FNIP1: variants seen among roughly 807,000 people sequenced by gnomAD.
FNIP1 encodes the protein folliculin interacting protein 1, also known as folliculin-interacting protein 1.
In FNIP1, 40 loss-of-function variants were observed where a neutral mutation model predicts 124.5. The observed-to-expected ratio is 0.32, with a 90% CI of 0.25 to 0.42. The LOEUF (loss-of-function observed/expected upper bound fraction) is 0.42, where lower values mean the gene tolerates loss of function less well. Ranked by LOEUF, FNIP1 falls within the 10% of genes least tolerant of loss-of-function variation. The pLI is 1.00. For missense variants in FNIP1, 1,176 were observed against 1,403.7 expected (o/e 0.84, Z 2.59); for synonymous variants, 472 against 470.6 (o/e 1.00, Z -0.04).
chr5:131,757,681 C>T (rs1420517142), intron 1 of FNIP1, among the ~76,000 whole-genome samples: 1 of 148,752 alleles, frequency 6.7e-6, no homozygotes, highest in Non-Finnish European at 1.5e-5. Flanking sequence ...AGTGGGGACA[C>T]AAGGAAGGAG....
In FNIP1 at chr5:131,796,993, A is replaced by AC; in HGVS notation, c.-73dup. 7.3e-7 allele frequency: 1 copy of AC among 1,363,528 alleles called. No individual in the cohort carries two copies. 84.5% of individuals were successfully genotyped at this position (1,363,528 alleles called of 1,614,324 possible). Reference sequence around the variant, plus strand: ...CCCCTGCTCCTACAGCCGCCCCGCCACCCCCATGGGCGCCTCAGTCATATG... The same window carrying AC: ...CCCCTGCTCCTACAGCCGCCCCGCCACCCCCCATGGGCGCCTCAGTCATATG... On this transcript the variant is annotated 5_prime_UTR_variant, in exon 1 of 18. The change abolishes the stop of an existing upstream ORF in the 5' untranslated region. Transcript: ENST00000510461.
chr5:131,780,035 T>C (rs1771945486), intron 1 of FNIP1, among the ~76,000 whole-genome samples: 1 of 151,824 alleles, frequency 6.6e-6, no homozygotes, highest in Non-Finnish European at 1.5e-5. Flanking sequence ...ACCCTGTCTC[T>C]AGCAAAAAAA....
rs1561679632 is a variant in FNIP1, at chr5:131,732,669, TTA to T, written c.220-1633_220-1632del. ...GTGTGGTATTATTTCTGAGGGCTCTTTACTGTTCCATTGGTCTGTATCTCTGT... is the reference window on the plus strand; with the variant it reads ...GTGTGGTATTATTTCTGAGGGCTCTTCTGTTCCATTGGTCTGTATCTCTGT... On this transcript the variant is annotated intron_variant, in intron 2 of 17. Coordinates refer to ENST00000510461, the MANE Select transcript of FNIP1 (RefSeq NM_133372.3). Among the ~76,000 whole-genome samples the T allele has an allele frequency of 9.5e-3, 1,446 of 152,262 alleles. 25 individuals are homozygous for T. The highest frequency in any genetic ancestry group is 0.033 in the African/African-American group (1,375 of 41,564).
At chr5:131,693,458 G>A (rs1246473798) in intron 11 of FNIP1, among the ~76,000 whole-genome samples, 1 of 149,714 alleles carries the variant, frequency 6.7e-6, no homozygotes, top group Non-Finnish European at 1.5e-5. Flanking sequence ...TTTGACAACG[G>A]AGCAAAGGTA....
At chr5:131,769,885 C>T (rs1771570481) in intron 1 of FNIP1, among the ~76,000 whole-genome samples, 1 of 152,168 alleles carries the variant, frequency 6.6e-6, no homozygotes, top group Admixed American at 6.6e-5. Context: ...GTATTCTGTT[C>T]AACTAAGTGC....
At chr5:131,768,778 G>A (rs1033441961) in intron 1 of FNIP1, among the ~76,000 whole-genome samples, 2 of 152,122 alleles carry the variant, frequency 1.3e-5, no homozygotes, top group Non-Finnish European at 2.9e-5. Flanking sequence ...CAGCGTGGGC[G>A]AGAGAGCAAG....
intron 1 of FNIP1, among the ~76,000 whole-genome samples, chr5:131,764,419 C>G (rs1380687760): frequency 6.6e-6 from 1 of 151,388 alleles, no homozygotes; most frequent in Non-Finnish European, 1.5e-5. Flanking sequence ...GTGACTCTCA[C>G]CTCAGCCTCC....
intron 11 of FNIP1, among the ~76,000 whole-genome samples, chr5:131,693,289 A>AATATATACATATATATAT (rs1768546005): frequency 1.5e-5 from 1 of 68,306 alleles, no homozygotes; most frequent in Non-Finnish European, 2.9e-5. Flanking sequence ...GTAATAGCTA[A>AATATATACATATATATAT]ATATATACAT....
At chr5:131,656,415 C>A (rs1276769805) in intron 15 of FNIP1, among the ~76,000 whole-genome samples, 1 of 152,172 alleles carries the variant, frequency 6.6e-6, no homozygotes, top group Non-Finnish European at 1.5e-5. Context: ...GGTACTTTTG[C>A]AGAATACCTT....
chr5:131,765,612 T>C (rs934170702), intron 1 of FNIP1, among the ~76,000 whole-genome samples: 63 of 152,262 alleles, frequency 4.1e-4, no homozygotes, highest in African/African-American at 1.5e-3. Flanking sequence ...TTAATCTGCG[T>C]GTAAATATCC....
rs764762190 is a variant in FNIP1, at chr5:131,716,666, G to C, written c.531-10C>G. 6.6e-7 allele frequency: 1 copy of C among 1,522,364 alleles called. No homozygotes were observed. The highest frequency in any genetic ancestry group is 1.2e-5 in the South Asian group (1 of 80,744). 94.3% of individuals were successfully genotyped at this position (1,522,364 alleles called of 1,614,324 possible). A position where few individuals can be genotyped will look rare whatever the true frequency, so the allele number is the denominator to read the frequency against. On this transcript the variant is annotated splice_polypyrimidine_tract_variant and intron_variant, in intron 5 of 17. Coordinates refer to ENST00000510461, the MANE Select transcript of FNIP1 (RefSeq NM_133372.3). The stretch of plus-strand genomic sequence containing the variant: ...AAGACTATCTTGTAGCCTATGGAGG[G>C]TGAGAAGAAAATTAATTCCAAATTC...
chr5:131,790,458 G>A (rs1231661483), intron 1 of FNIP1, among the ~76,000 whole-genome samples: 3 of 106,858 alleles, frequency 2.8e-5, no homozygotes, highest in South Asian at 6.5e-4. Context: ...CCGCCTGGGC[G>A]ATAGAGCAAG....
chr5:131,765,621 C>G (rs1480978290), intron 1 of FNIP1, among the ~76,000 whole-genome samples: 1 of 152,176 alleles, frequency 6.6e-6, no homozygotes, highest in Non-Finnish European at 1.5e-5. Flanking sequence ...GTGTAAATAT[C>G]CTTTCTTCTA....
At chr5:131,648,956 A>C (rs1269319431) in intron 16 of FNIP1, among the ~76,000 whole-genome samples, 4 of 152,170 alleles carry the variant, frequency 2.6e-5, no homozygotes, top group Non-Finnish European at 5.9e-5. Context: ...AATGCTTATG[A>C]GGTTCATCCA....
At chr5:131,658,561 G>A (rs981611169) in intron 15 of FNIP1, among the ~76,000 whole-genome samples, 7 of 151,988 alleles carry the variant, frequency 4.6e-5, no homozygotes, top group Admixed American at 2.0e-4. Flanking sequence ...GGGGACAAAA[G>A]GGGGGCCACA....
chr5:131,654,200 A>C (rs1293617723), intron 15 of FNIP1, among the ~76,000 whole-genome samples: 1 of 152,236 alleles, frequency 6.6e-6, no homozygotes, highest in Non-Finnish European at 1.5e-5. Flanking sequence ...AAGACCAAAA[A>C]TGACAATTAA....
intron 15 of FNIP1, among the ~76,000 whole-genome samples, chr5:131,666,521 A>G (rs528265252): frequency 6.6e-6 from 1 of 152,300 alleles, no homozygotes; most frequent in East Asian, 1.9e-4. Context: ...TTTGTTCATC[A>G]GTTTTAGTAA....
At chr5:131,689,778 A>G (rs181844) in intron 11 of FNIP1, among the ~76,000 whole-genome samples, 148,434 of 152,324 alleles carry the variant, frequency 0.97, 72,345 homozygotes, top group East Asian at 1. Flanking sequence ...ATAGAAAACT[A>G]TTACAAATAT....
chr5:131,789,775 CCTAT>C lies in FNIP1; in HGVS notation c.92+7051_92+7054del, dbSNP rs757724470. Among the ~76,000 whole-genome samples, 44 of 152,282 alleles carry C rather than the reference CCTAT, an allele frequency of 2.9e-4. No individual in the cohort carries two copies. The East Asian group carries it at 4.4e-3, about 15-fold the overall frequency. On this transcript the variant is annotated intron_variant, in intron 1 of 17. Coordinates refer to ENST00000510461, the MANE Select transcript of FNIP1 (RefSeq NM_133372.3). ...TAACACCACACATCCCTGGCTTTTC[CCTAT>C]CTATCTTCTTGGTATATCTTCCTCT... is the stretch of plus-strand genomic sequence containing the variant.
Sources: allele counts gnomAD v4.1 joint callset (sites outside exome capture counted in the v4.1 genomes callset), GRCh38; gene constraint gnomAD v4.1.1; transcripts MANE v1.5; gene names NCBI Gene and HGNC (gene_info 2026-07-23, HGNC 2026-07-21).